PTPRK: variants seen among roughly 807,000 people sequenced by gnomAD.
The protein encoded by PTPRK is receptor-type tyrosine-protein phosphatase kappa.
Under a neutral mutation model 178.0 loss-of-function variants are expected in PTPRK, and 75 were observed. That is an observed-to-expected ratio of 0.42 (90% confidence interval 0.35 to 0.51). The LOEUF (loss-of-function observed/expected upper bound fraction) is 0.51. Among genes scored for constraint, PTPRK ranks in the 20% least tolerant of loss-of-function variants. PTPRK has a pLI of 0.02. For missense variants in PTPRK, 1,441 were observed against 1,797.8 expected (o/e 0.80, Z 3.59); for synonymous variants, 637 against 620.6 (o/e 1.03, Z -0.39).
At chr6:128,240,506 T>C (rs780948833) in intron 4 of PTPRK, among the ~76,000 whole-genome samples, 6 of 152,176 alleles carry the variant, frequency 3.9e-5, no homozygotes, top group Non-Finnish European at 5.9e-5. Flanking sequence ...AGAGATTAAA[T>C]TGACATGAAA....
intron 27 of PTPRK, among the ~76,000 whole-genome samples, chr6:127,975,706 G>T (rs1183631823): frequency 6.6e-6 from 1 of 151,986 alleles, no homozygotes; most frequent in Non-Finnish European, 1.5e-5. Flanking sequence ...ACGAAGTCTC[G>T]CTCTATACAG....
intron 5 of PTPRK, among the ~76,000 whole-genome samples, chr6:128,235,937 G>A (rs997138163): frequency 2.0e-5 from 3 of 152,022 alleles, no homozygotes; most frequent in Non-Finnish European, 4.4e-5. Context: ...TATGCTACAA[G>A]AGCTCACATT....
intron 13 of PTPRK, among the ~76,000 whole-genome samples, chr6:128,038,640 G>C (rs1357449817): frequency 6.6e-6 from 1 of 152,084 alleles, no homozygotes; most frequent in East Asian, 1.9e-4. Context: ...AATGCGACAG[G>C]ACCACTATGC....
At chr6:128,124,538 G>A (rs1459642034) in intron 7 of PTPRK, among the ~76,000 whole-genome samples, 7 of 152,056 alleles carry the variant, frequency 4.6e-5, no homozygotes, top group Non-Finnish European at 1.0e-4. Flanking sequence ...CACAATTACA[G>A]TATCATTGTT....
At chr6:128,282,171 C>T (rs564730979) in intron 3 of PTPRK, among the ~76,000 whole-genome samples, 3 of 152,228 alleles carry the variant, frequency 2.0e-5, no homozygotes, top group African/African-American at 2.4e-5. Context: ...AAGCTCCCTC[C>T]CTAAAGGAGA....
chr6:128,242,540 T>G lies in PTPRK; in HGVS notation c.558A>C (p.Gln186His). The G allele has an allele frequency of 1.2e-6, 2 of 1,613,114 alleles. No individual in the cohort carries two copies. Among genetic ancestry groups the G allele is most frequent in the Non-Finnish European group, 1.7e-6 (2 of 1,179,606 alleles). The change falls in exon 4 of 30, where the codon CAA (glutamine) becomes CAC (histidine). Residue 186 changes from glutamine (Q) to histidine (H), a missense_variant. By Grantham distance (24) the Gln-to-His change is conservative (BLOSUM62 0). Around this residue, in one of 4 missense-constraint regions of PTPRK, gnomAD observed 945 missense variants for 1,080.6 expected, o/e 0.87. Transcript: ENST00000368226. ...RSGYIAIDDI[Q>H]VLSYPCDKSP... ...ACCTACCACAAGGATAACTCAGTAC[T>G]TGGATGTCATCAATGGCAATATAAC...
chr6:128,169,405 A>T (rs1799880188), intron 7 of PTPRK, among the ~76,000 whole-genome samples: 1 of 152,080 alleles, frequency 6.6e-6, no homozygotes, highest in South Asian at 2.1e-4. Flanking sequence ...AAGCTTAAGT[A>T]AGCCATGTGT....
Position 128,241,774 on chromosome 6 carries a change from T to C in PTPRK, c.577+747A>G, listed in dbSNP as rs548857852. Among the ~76,000 whole-genome samples, 98 of 150,266 alleles carry C rather than the reference T, an allele frequency of 6.5e-4. 1 individual carries two copies. Among genetic ancestry groups the C allele is most frequent in the Non-Finnish European group, 9.9e-4 (67 of 67,848 alleles). On this transcript the variant is annotated intron_variant, in intron 4 of 29. Coordinates refer to ENST00000368226, the MANE Select transcript of PTPRK (RefSeq NM_002844.4). ...TAATAAACCGAGTTTCTTGTTTTGT[T>C]TGCTTTCTTTTTTTTTTTTTTTTTG...
At chr6:128,124,042 GTT>G (rs113506773) in intron 7 of PTPRK, among the ~76,000 whole-genome samples, 37 of 136,864 alleles carry the variant, frequency 2.7e-4, no homozygotes, top group African/African-American at 8.8e-4. Flanking sequence ...ATTAAAACTT[GTT>G]TTTTTTTTTT....
intron 3 of PTPRK, among the ~76,000 whole-genome samples, chr6:128,302,110 C>T (rs1202188805): frequency 6.6e-6 from 1 of 151,736 alleles, no homozygotes; most frequent in Non-Finnish European, 1.5e-5. Context: ...GGAAACGGGC[C>T]GGGTGAGGTG....
chr6:128,141,715 C>G (rs1384543746), intron 7 of PTPRK, among the ~76,000 whole-genome samples: 1 of 151,878 alleles, frequency 6.6e-6, no homozygotes, highest in Non-Finnish European at 1.5e-5. Flanking sequence ...ATTTTGATAG[C>G]AAGAGCATTT....
intron 27 of PTPRK, among the ~76,000 whole-genome samples, chr6:127,975,968 G>A (rs1774529035): frequency 6.6e-6 from 1 of 151,994 alleles, no homozygotes. Flanking sequence ...CTGTGCCCGG[G>A]CTTTATTAGC....
intron 1 of PTPRK, among the ~76,000 whole-genome samples, chr6:128,425,018 G>A (rs1049333803): frequency 6.7e-6 from 1 of 150,222 alleles, no homozygotes; most frequent in Non-Finnish European, 1.5e-5. Context: ...CTTTAGCGGT[G>A]ATTTTTGAGA....
intron 1 of PTPRK, among the ~76,000 whole-genome samples, chr6:128,415,385 C>A (rs867993128): frequency 2.6e-5 from 4 of 151,968 alleles, no homozygotes; most frequent in African/African-American, 9.7e-5. Flanking sequence ...AAAACCATTG[C>A]CACAATTAAG....
At chr6:128,135,121 T>C (rs1794837305) in intron 7 of PTPRK, among the ~76,000 whole-genome samples, 1 of 140,076 alleles carries the variant, frequency 7.1e-6, no homozygotes, top group African/African-American at 2.9e-5. Context: ...CACACTCTCC[T>C]AATAATTTAG....
At chr6:128,510,888 G>A (rs1287980899) in intron 1 of PTPRK, among the ~76,000 whole-genome samples, 1 of 151,776 alleles carries the variant, frequency 6.6e-6, no homozygotes, top group East Asian at 1.9e-4. Context: ...ATTAATATAT[G>A]ATACATATAT....
chr6:128,427,710 A>C (rs769634445), intron 1 of PTPRK, among the ~76,000 whole-genome samples: 25 of 152,210 alleles, frequency 1.6e-4, no homozygotes, highest in Non-Finnish European at 8.8e-5. Flanking sequence ...GCCACACCAG[A>C]AGTAGTCCCT....
chr6:128,301,903 A>C (rs1825671994), intron 3 of PTPRK, among the ~76,000 whole-genome samples: 1 of 152,226 alleles, frequency 6.6e-6, no homozygotes, highest in African/African-American at 2.4e-5. Flanking sequence ...TATATAAGCA[A>C]AAATAAAATG....
At chr6:128,344,702 A>G (rs1029443857) in intron 2 of PTPRK, among the ~76,000 whole-genome samples, 1 of 152,158 alleles carries the variant, frequency 6.6e-6, no homozygotes, top group African/African-American at 2.4e-5. Flanking sequence ...TTTTTGGAAA[A>G]GATGGGGTTT....
Sources: allele counts gnomAD v4.1 joint callset (sites outside exome capture counted in the v4.1 genomes callset), GRCh38; gene constraint gnomAD v4.1.1; regional missense constraint gnomAD v4.1.1; transcripts MANE v1.5; gene names NCBI Gene and HGNC (gene_info 2026-07-23, HGNC 2026-07-21).